Variants in COQ8A observed in about 807,000 individuals in gnomAD.
COQ8A encodes the protein coenzyme Q8A.
Under a neutral mutation model 65.0 loss-of-function variants are expected in COQ8A, and 51 were observed. The ratio of observed to expected loss-of-function variants is 0.78; its 90% CI spans 0.63 to 0.99. The LOEUF (loss-of-function observed/expected upper bound fraction) is 0.99. Among genes scored for constraint, COQ8A ranks in the 50% least tolerant of loss-of-function variants. The pLI is 0.00. For synonymous variants in COQ8A, 371 were observed against 353.2 expected, an observed-to-expected ratio of 1.05 and a Z score of -0.57; for missense variants, 940 against 875.0, an observed-to-expected ratio of 1.07 and a Z score of -0.94.
chr1:226,960,830 G>T (rs1293297591), intron 1 of COQ8A, among the ~76,000 whole-genome samples: 2 of 152,106 alleles, frequency 1.3e-5, no homozygotes, highest in Admixed American at 6.5e-5. Flanking sequence ...ATGGATATCC[G>T]TCACAGGCCT....
At chr1:226,986,054 C>T (rs1001090211) in intron 14 of COQ8A, among the ~76,000 whole-genome samples, 1 of 152,184 alleles carries the variant, frequency 6.6e-6, no homozygotes, top group African/African-American at 2.4e-5. Context: ...TGCTAGTTCC[C>T]GTGGGCAGAC....
intron 8 of COQ8A, 44 bp downstream of exon 8, chr1:226,983,078 A>G (rs2148128414): frequency 6.4e-7 from 1 of 1,555,066 alleles, no homozygotes; most frequent in East Asian, 2.4e-5. Flanking sequence ...GGGGGCTGCA[A>G]GGGGCAGAGC....
intron 1 of COQ8A, chr1:226,958,029 C>G (rs1224742703): frequency 6.6e-6 from 1 of 152,172 alleles, no homozygotes; most frequent in Non-Finnish European, 1.5e-5. Flanking sequence ...CTTTTTCTCT[C>G]TAGACACTTC....
At chr1:226,957,861 G>A (rs547669657) in intron 1 of COQ8A, among the ~76,000 whole-genome samples, 15 of 152,228 alleles carry the variant, frequency 9.9e-5, no homozygotes, top group African/African-American at 2.2e-4. Flanking sequence ...CAGGATCCCC[G>A]AGTCGGAGCC....
At chr1:226,944,950 C>T (rs1415083705) in intron 1 of COQ8A, among the ~76,000 whole-genome samples, 1 of 152,116 alleles carries the variant, frequency 6.6e-6, no homozygotes, top group African/African-American at 2.4e-5. Flanking sequence ...TAGCGCCCCT[C>T]TCTGCCTTTC....
At chr1:226,985,146 G>A (rs1239457998) in intron 13 of COQ8A, 108 bp from the exon 14 acceptor site, 1 of 1,347,900 alleles carries the variant, frequency 7.4e-7, no homozygotes, top group Non-Finnish European at 1.1e-6. Context: ...GCCCTGTGCA[G>A]GGAGAGGATG....
chr1:226,986,118 G>A (rs1660092754), intron 14 of COQ8A, among the ~76,000 whole-genome samples: 1 of 152,186 alleles, frequency 6.6e-6, no homozygotes, highest in Admixed American at 6.5e-5. Flanking sequence ...GACACGCATG[G>A]TGGGAGGCCC....
In COQ8A at chr1:226,986,500, C is replaced by T; in HGVS notation, c.1707C>T (p.Ala569=). The T allele has an allele frequency of 6.2e-7, 1 of 1,613,604 alleles. No homozygotes were observed. Among genetic ancestry groups the T allele is most frequent in the Non-Finnish European group, 8.5e-7 (1 of 1,180,006 alleles). The part of the protein sequence containing the change: ...HLDAILILGE[A]FASDEPFDFG... ...ATGCCATCCTCATCCTGGGGGAGGC[C>T]TTCGCCTCTGATGAGCCTTTTGATT... Residue 569 remains alanine, a synonymous_variant, in exon 15 of 15, where the codon GCC becomes GCT. Transcript: ENST00000366777.
intron 1 of COQ8A, among the ~76,000 whole-genome samples, chr1:226,953,983 A>T (rs1448708515): frequency 6.6e-6 from 1 of 152,204 alleles, no homozygotes; most frequent in African/African-American, 2.4e-5. Flanking sequence ...AATTTCAAGG[A>T]CGTAAAGGAA....
At chr1:226,960,446 G>A (rs1200825062) in intron 1 of COQ8A, among the ~76,000 whole-genome samples, 3 of 134,856 alleles carry the variant, frequency 2.2e-5, no homozygotes, top group Non-Finnish European at 4.8e-5. Flanking sequence ...GGTGGTACTT[G>A]GTGGTGGTGG....
chr1:226,952,273 T>A (rs1033617310), intron 1 of COQ8A, among the ~76,000 whole-genome samples: 1 of 152,232 alleles, frequency 6.6e-6, no homozygotes, highest in Non-Finnish European at 1.5e-5. Context: ...AGGCAATGTT[T>A]ATGCCATTCC....
intron 1 of COQ8A, among the ~76,000 whole-genome samples, chr1:226,944,336 C>A (rs1375184615): frequency 6.6e-6 from 1 of 151,978 alleles, no homozygotes; most frequent in Non-Finnish European, 1.5e-5. Context: ...GGAGGAGAAG[C>A]AGAGCCTATG....
intron 12 of COQ8A, 57 bp downstream of exon 12, chr1:226,984,712 C>T: frequency 6.5e-7 from 1 of 1,547,948 alleles, no homozygotes. Flanking sequence ...CCGAATGGGG[C>T]ACGTGAGGCC....
intron 4 of COQ8A, among the ~76,000 whole-genome samples, chr1:226,975,829 AT>A (rs1402625965): frequency 6.6e-6 from 1 of 152,194 alleles, no homozygotes; most frequent in Non-Finnish European, 1.5e-5. Context: ...GTAAAAATGT[AT>A]CGCAAAAACA....
At chr1:226,975,558 AT>A in intron 4 of COQ8A, among the ~76,000 whole-genome samples, 1 of 152,382 alleles carries the variant, frequency 6.6e-6, no homozygotes, top group South Asian at 2.1e-4. Flanking sequence ...ATTAGAATTC[AT>A]TTTGCATGTT....
chr1:226,959,209 C>T (rs555334949), intron 1 of COQ8A, among the ~76,000 whole-genome samples: 1 of 152,254 alleles, frequency 6.6e-6, no homozygotes, highest in East Asian at 1.9e-4. Context: ...CCCCTTCCCT[C>T]CTTTCTACTT....
At chr1:226,953,307 C>T (rs1657503065) in intron 1 of COQ8A, among the ~76,000 whole-genome samples, 1 of 152,218 alleles carries the variant, frequency 6.6e-6, no homozygotes, top group Non-Finnish European at 1.5e-5. Flanking sequence ...GGATTACAGG[C>T]ATGAGCCACT....
intron 4 of COQ8A, among the ~76,000 whole-genome samples, chr1:226,969,003 C>T (rs987162496): frequency 3.3e-5 from 5 of 151,230 alleles, no homozygotes; most frequent in African/African-American, 4.8e-5. Context: ...TGGGCTCTAC[C>T]GTGGTTTTCT....
At chr1:226,953,201 C>A (rs1054938515) in intron 1 of COQ8A, among the ~76,000 whole-genome samples, 5 of 151,960 alleles carry the variant, frequency 3.3e-5, no homozygotes, top group Admixed American at 2.0e-4. Context: ...GGATAACTTT[C>A]GTATTTTTAG....
Sources: gnomAD v4.1 joint callset for allele counts (sites outside exome capture counted in the v4.1 genomes callset) on GRCh38, gnomAD v4.1.1 for gene constraint, MANE v1.5 for transcripts, NCBI Gene and HGNC (gene_info 2026-07-23, HGNC 2026-07-21) for gene names.